Variants in MFSD11 observed in about 807,000 individuals in gnomAD.
The protein encoded by MFSD11 is UNC93-like protein MFSD11.
Under a neutral mutation model 53.5 loss-of-function variants are expected in MFSD11, and 36 were observed. That is an observed-to-expected ratio of 0.67 (90% CI 0.52 to 0.89). MFSD11 has a LOEUF of 0.89. Among genes scored for constraint, MFSD11 ranks in the 40% least tolerant of loss-of-function variants. The probability of loss-of-function intolerance (pLI) is 0.00; values close to 1 mark genes in which losing one functional copy is unlikely to be tolerated. For missense variants in MFSD11, 530 were observed against 543.9 expected, an observed-to-expected ratio of 0.97 and a Z score of 0.25; for synonymous variants, 186 against 184.9, an observed-to-expected ratio of 1.01 and a Z score of -0.05.
the MFSD11 span, among the ~76,000 whole-genome samples, chr17:76,801,623 T>C: frequency 3.9e-5 from 6 of 151,934 alleles, no homozygotes; most frequent in Non-Finnish European, 7.4e-5. Flanking sequence ...ATTTTGCATT[T>C]TTCGTAGAGA....
At chr17:76,744,096 C>T (rs988242408) in intron 6 of MFSD11, among the ~76,000 whole-genome samples, 15 of 152,160 alleles carry the variant, frequency 9.9e-5, no homozygotes, top group African/African-American at 2.2e-4. Context: ...TAAAAGAAGG[C>T]GATTAAGCCC....
chr17:76,795,930 G>T, the MFSD11 span, among the ~76,000 whole-genome samples: 1 of 151,582 alleles, frequency 6.6e-6, no homozygotes, highest in Non-Finnish European at 1.5e-5. Flanking sequence ...CTCCCAGAGT[G>T]CTGGGATTAC....
At chr17:76,799,884 C>A in the MFSD11 span, among the ~76,000 whole-genome samples, 2 of 151,838 alleles carry the variant, frequency 1.3e-5, no homozygotes, top group African/African-American at 4.8e-5. Context: ...CCCATGATTT[C>A]TCCTGCATTT....
chr17:76,781,088 T>G (rs2082153464), downstream of MFSD11: 1 of 152,190 alleles, frequency 6.6e-6, no homozygotes, highest in African/African-American at 2.4e-5. Flanking sequence ...GTCCTGAGCG[T>G]CTCTCCAGGC....
At position 76,775,077 on chromosome 17, in the gene MFSD11, T is replaced by C; in HGVS notation, c.955T>C (p.Phe319Leu). The C allele has an allele frequency of 1.9e-6, 3 of 1,614,132 alleles. No individual in the cohort carries two copies. Among genetic ancestry groups the C allele is most frequent in the East Asian group, 4.5e-5 (2 of 44,888 alleles). ...TGTGCTGTTGGGCATCCTGGTGCAC[T>C]TCATAGCTTTTTATCTAATATTTCT... is the stretch of plus-strand genomic sequence containing the variant. ...PVVLLGILVH[F>L]IAFYLIFLNM... Residue 319 changes from phenylalanine (F) to leucine (L), a missense_variant, in exon 11 of 13, where the codon TTC (phenylalanine) becomes CTC (leucine). Coordinates refer to ENST00000685175, the MANE Select transcript of MFSD11 (RefSeq NM_001242532.5).
chr17:76,779,483 A>G (rs1188832977), downstream of MFSD11, among the ~76,000 whole-genome samples: 1 of 151,566 alleles, frequency 6.6e-6, no homozygotes, highest in Non-Finnish European at 1.5e-5. Flanking sequence ...AAATTTATTT[A>G]TTATTTATTT....
At chr17:76,798,352 G>A in the MFSD11 span, among the ~76,000 whole-genome samples, 930 of 152,232 alleles carry the variant, frequency 6.1e-3, 5 homozygotes, top group South Asian at 0.016. Flanking sequence ...CACCAACCTC[G>A]AAGCTCATCA....
rs536483509 is a variant in MFSD11 at position 76,752,697 on chromosome 17, A to G, written c.642-1350A>G. On this transcript the variant is annotated intron_variant, in intron 7 of 12. Transcript: ENST00000685175. The stretch of plus-strand genomic sequence containing the variant: ...AGGCGTGAGCCACCACACCCTGCCC[A>G]AGTCTGTGATTTGACCTGCCTTGTA... 5.8e-4 allele frequency among the ~76,000 whole-genome samples: 88 copies of G among 152,274 alleles called. 2 individuals are homozygous for G. In the South Asian group the frequency reaches 0.018, roughly 31 times the overall value.
chr17:76,752,587 G>T (rs1431640292), intron 7 of MFSD11, among the ~76,000 whole-genome samples: 1 of 151,860 alleles, frequency 6.6e-6, no homozygotes, highest in Non-Finnish European at 1.5e-5. Context: ...CGCCATGTTG[G>T]CCAGGCTGAT....
chr17:76,800,202 G>T, the MFSD11 span, among the ~76,000 whole-genome samples: 4 of 151,826 alleles, frequency 2.6e-5, no homozygotes, highest in Non-Finnish European at 4.4e-5. Context: ...TGATCCACCT[G>T]CCTCGGCCTC....
the MFSD11 span, among the ~76,000 whole-genome samples, chr17:76,794,695 T>G: frequency 0.42 from 4,672 of 11,144 alleles, 690 homozygotes; most frequent in African/African-American, 0.48. Context: ...TTTTTTTTTT[T>G]TTTTTTTTTT....
At chr17:76,739,400 G>A (rs1290708109) in intron 2 of MFSD11, among the ~76,000 whole-genome samples, 3 of 152,200 alleles carry the variant, frequency 2.0e-5, no homozygotes, top group African/African-American at 7.2e-5. Flanking sequence ...TGTAATTCAT[G>A]ACGATTAATA....
chr17:76,789,487 G>A, the MFSD11 span, among the ~76,000 whole-genome samples: 1 of 150,120 alleles, frequency 6.7e-6, no homozygotes, highest in East Asian at 1.9e-4. Context: ...TTGCCTCTTA[G>A]TGCACATGTT....
intron 9 of MFSD11, 93 bp from the exon 10 acceptor site, chr17:76,769,653 A>C: frequency 1.1e-6 from 1 of 951,964 alleles, no homozygotes; most frequent in Non-Finnish European, 1.6e-6. Flanking sequence ...GTGTTTTACT[A>C]CGCAAGTATT....
At chr17:76,763,737 A>G (rs1413781086) in intron 8 of MFSD11, among the ~76,000 whole-genome samples, 4 of 152,106 alleles carry the variant, frequency 2.6e-5, no homozygotes, top group Admixed American at 1.3e-4. Flanking sequence ...CCCGTTCTAT[A>G]GATTGACTTT....
chr17:76,780,548 C>T (rs1164209650), downstream of MFSD11, among the ~76,000 whole-genome samples: 1 of 150,468 alleles, frequency 6.6e-6, no homozygotes, highest in Non-Finnish European at 1.5e-5. Context: ...CAGCGTCTCA[C>T]TCTGTTGCCC....
chr17:76,777,443 C>T (rs946469137), intron 12 of MFSD11, among the ~76,000 whole-genome samples: 17 of 152,176 alleles, frequency 1.1e-4, no homozygotes, highest in African/African-American at 3.9e-4. Context: ...CCATTTTGGC[C>T]AGGCTGGTCA....
intron 1 of MFSD11, 60 bp from the exon 2 acceptor site, chr17:76,738,878 C>T (rs575673356): frequency 7.3e-7 from 1 of 1,373,074 alleles, no homozygotes; most frequent in East Asian, 2.3e-5. Flanking sequence ...AGTCACACTT[C>T]CCAAGGGTGG....
chr17:76,749,302 T>C (rs2078831146), intron 7 of MFSD11, among the ~76,000 whole-genome samples: 2 of 151,846 alleles, frequency 1.3e-5, no homozygotes, highest in South Asian at 4.2e-4. Flanking sequence ...GACAGGCGGA[T>C]TGCTTGAACC....
Sources: gnomAD v4.1 joint callset for allele counts (sites outside exome capture counted in the v4.1 genomes callset) on GRCh38, gnomAD v4.1.1 for gene constraint, MANE v1.5 for transcripts, NCBI Gene and HGNC (gene_info 2026-07-23, HGNC 2026-07-21) for gene names.